The following PAN3 variants were observed in gnomAD, a reference collection of about 807,000 sequenced individuals.
PAN3 encodes poly(A) specific ribonuclease subunit PAN3.
Under a neutral mutation model 96.2 loss-of-function variants are expected in PAN3, and 19 were observed. That is an observed-to-expected ratio of 0.20 (90% confidence interval 0.14 to 0.29). The LOEUF is 0.29. PAN3 is among the 10% of genes least tolerant of loss of function. The pLI, the probability that PAN3 is intolerant of heterozygous loss-of-function variation, is 1.00. For synonymous variants in PAN3, 433 were observed against 406.6 expected, an observed-to-expected ratio of 1.06 and a Z score of -0.78; for missense variants, 882 against 1,108.1, an observed-to-expected ratio of 0.80 and a Z score of 2.90.
At chr13:28,215,310 C>T (rs551446782) in intron 5 of PAN3, 6 of 728,150 alleles carry the variant, frequency 8.2e-6, no homozygotes, top group South Asian at 4.4e-5. Flanking sequence ...GTCTGTGGAC[C>T]GAGTGGAGAC....
chr13:28,261,642 G>A (rs1383223313), intron 9 of PAN3, among the ~76,000 whole-genome samples, 184 bp downstream of exon 9: 9 of 152,136 alleles, frequency 5.9e-5, no homozygotes, highest in Admixed American at 5.9e-4. Flanking sequence ...AGACTAGCCT[G>A]AGCGAAATAG....
At chr13:28,152,092 A>G (rs1871436770) in intron 1 of PAN3, among the ~76,000 whole-genome samples, 1 of 152,196 alleles carries the variant, frequency 6.6e-6, no homozygotes, top group Admixed American at 6.5e-5. Context: ...TAGGTAAGTA[A>G]CATTTGGGTT....
In PAN3 at chr13:28,159,610, G is replaced by A. The variant is rs553448876; in HGVS notation, c.431-14662G>A. Among the ~76,000 whole-genome samples, 6 of 151,978 alleles carry A rather than the reference G, an allele frequency of 3.9e-5. 1 individual carries two copies. The highest frequency in any genetic ancestry group is 9.7e-5 in the African/African-American group (4 of 41,376). ...ATTACAGGCATGCACCACCATGCCCGGCTAATTTTGTATTTTTAGTAGAGA... is the reference window on the plus strand; with the variant it reads ...ATTACAGGCATGCACCACCATGCCCAGCTAATTTTGTATTTTTAGTAGAGA... On this transcript the variant is annotated intron_variant, in intron 1 of 18. Coordinates refer to ENST00000380958, the MANE Select transcript of PAN3 (RefSeq NM_175854.8).
At position 28,226,324 on chromosome 13, in the gene PAN3, C is replaced by A. The variant is rs1286889; in HGVS notation, c.1000+5946C>A. 2.3e-3 allele frequency among the ~76,000 whole-genome samples: 357 copies of A among 152,226 alleles called. 1 individual carries two copies. The highest frequency in any genetic ancestry group is 8.2e-3 in the African/African-American group (342 of 41,540). On this transcript the variant is annotated intron_variant, in intron 6 of 18. Transcript: ENST00000380958. The stretch of plus-strand genomic sequence containing the variant: ...TTCCTTGTAATTGTTTCTCAGAAGT[C>A]TACTGTTAAATGGATTCTGTGGGAT...
chr13:28,283,112 A>T (rs1868499939), intron 17 of PAN3, among the ~76,000 whole-genome samples: 1 of 151,588 alleles, frequency 6.6e-6, no homozygotes, highest in Non-Finnish European at 1.5e-5. Flanking sequence ...GCAATGGCGC[A>T]TTCTTGGCTC....
chr13:28,146,900 G>A (rs1329353188), intron 1 of PAN3, among the ~76,000 whole-genome samples: 1 of 151,972 alleles, frequency 6.6e-6, no homozygotes, highest in Non-Finnish European at 1.5e-5. Context: ...GCTTGAACCC[G>A]GGAGGCAGAG....
At chr13:28,261,164 C>A (rs1314461137) in intron 8 of PAN3, among the ~76,000 whole-genome samples, 1 of 152,096 alleles carries the variant, frequency 6.6e-6, no homozygotes, top group Non-Finnish European at 1.5e-5. Context: ...GCCCAGCTAC[C>A]CGTGTTTAAG....
chr13:28,230,930 C>T (rs138414390), intron 6 of PAN3, among the ~76,000 whole-genome samples: 1 of 152,154 alleles, frequency 6.6e-6, no homozygotes, highest in South Asian at 2.1e-4. Flanking sequence ...TAACACCTTT[C>T]TTCCCTCTGT....
At chr13:28,249,738 C>G (rs2138550015) in intron 6 of PAN3, among the ~76,000 whole-genome samples, 1 of 152,292 alleles carries the variant, frequency 6.6e-6, no homozygotes, top group South Asian at 2.1e-4. Flanking sequence ...GCGTGAGCCA[C>G]CGCGCCCGGC....
chr13:28,182,932 A>G (rs779780674), intron 4 of PAN3, among the ~76,000 whole-genome samples: 1 of 152,192 alleles, frequency 6.6e-6, no homozygotes, highest in African/African-American at 2.4e-5. Context: ...TTTTTATTCT[A>G]AAGTCTTCCT....
chr13:28,257,779 TATATATA>T (rs908012760), intron 7 of PAN3, among the ~76,000 whole-genome samples: 3 of 138,670 alleles, frequency 2.2e-5, no homozygotes, highest in Non-Finnish European at 4.6e-5. Context: ...ATATATAAAT[TATATATA>T]ATATATAATT....
intron 5 of PAN3, among the ~76,000 whole-genome samples, chr13:28,205,794 T>C (rs2138287052): frequency 6.6e-6 from 1 of 151,422 alleles, no homozygotes; most frequent in East Asian, 1.9e-4. Flanking sequence ...GTGATTGCAC[T>C]GTTGCACTCC....
intron 5 of PAN3, among the ~76,000 whole-genome samples, chr13:28,210,392 AC>A (rs1288828466): frequency 6.6e-6 from 1 of 151,984 alleles, no homozygotes; most frequent in Non-Finnish European, 1.5e-5. Context: ...AAATAGGAGA[AC>A]TTTTATTTAG....
intron 6 of PAN3, chr13:28,240,098 A>G (rs1338621495): frequency 1.3e-5 from 2 of 152,340 alleles, no homozygotes; most frequent in Non-Finnish European, 2.9e-5. Context: ...TGAGTAGTAA[A>G]TATTTTGCTA....
intron 5 of PAN3, among the ~76,000 whole-genome samples, chr13:28,197,727 G>A (rs1382920910): frequency 1.3e-5 from 2 of 151,886 alleles, no homozygotes; most frequent in East Asian, 1.9e-4. Flanking sequence ...ACACCACCAT[G>A]CCTGGCTAAT....
At chr13:28,196,828 GT>G (rs1240088795) in intron 4 of PAN3, among the ~76,000 whole-genome samples, 1 of 152,160 alleles carries the variant, frequency 6.6e-6, no homozygotes, top group Non-Finnish European at 1.5e-5. Context: ...TCATATTGCA[GT>G]GAGAATAGGT....
At chr13:28,270,017 C>G (rs542206586) in intron 12 of PAN3, among the ~76,000 whole-genome samples, 1 of 152,208 alleles carries the variant, frequency 6.6e-6, no homozygotes, top group Admixed American at 6.5e-5. Flanking sequence ...CATTTGAGCC[C>G]AGGAGTTGGA....
intron 18 of PAN3, 60 bp from the exon 19 acceptor site, chr13:28,292,322 C>G (rs983770466): frequency 6.9e-7 from 1 of 1,453,572 alleles, no homozygotes. Flanking sequence ...TTGCTGCAAA[C>G]GTAGATAAAT....
At chr13:28,154,030 A>T (rs1437835326) in intron 1 of PAN3, among the ~76,000 whole-genome samples, 1 of 152,238 alleles carries the variant, frequency 6.6e-6, no homozygotes, top group Non-Finnish European at 1.5e-5. Flanking sequence ...CTTGGCATAG[A>T]TCTCAAACTA....
Sources: gnomAD v4.1 joint callset for allele counts (sites outside exome capture counted in the v4.1 genomes callset) on GRCh38, gnomAD v4.1.1 for gene constraint, MANE v1.5 for transcripts, NCBI Gene and HGNC (gene_info 2026-07-23, HGNC 2026-07-21) for gene names.